Variants in ZBTB7C observed in about 807,000 individuals in gnomAD.
ZBTB7C encodes zinc finger and BTB domain-containing protein 7C.
In ZBTB7C, 8 loss-of-function variants were observed where a neutral mutation model predicts 25.7. The observed-to-expected ratio is 0.31, with a 90% CI of 0.18 to 0.56. The LOEUF (loss-of-function observed/expected upper bound fraction) is 0.56. Among genes scored for constraint, ZBTB7C ranks in the 20% least tolerant of loss-of-function variants. ZBTB7C has a pLI of 0.91. For synonymous variants in ZBTB7C, 394 were observed against 369.0 expected (o/e 1.07, Z -0.78); for missense variants, 824 against 855.2 (o/e 0.96, Z 0.46).
At chr18:48,032,497 C>T (rs569107911) in intron 4 of ZBTB7C, among the ~76,000 whole-genome samples, 61 of 122,526 alleles carry the variant, frequency 5.0e-4, no homozygotes, top group Middle Eastern at 0.013. Flanking sequence ...TGCAGTGGTG[C>T]GATCTTGGCT....
chr18:48,278,434 CT>C (rs562058274), intron 2 of ZBTB7C, among the ~76,000 whole-genome samples: 390 of 150,570 alleles, frequency 2.6e-3, no homozygotes, highest in African/African-American at 8.8e-3. Flanking sequence ...TCCCCAAATT[CT>C]TTTTTTTCTT....
intron 3 of ZBTB7C, among the ~76,000 whole-genome samples, chr18:48,119,200 C>T (rs1002416697): frequency 2.0e-5 from 3 of 152,158 alleles, no homozygotes; most frequent in Non-Finnish European, 4.4e-5. Context: ...TTTTGAGAAC[C>T]ATGACTCTAC....
At chr18:48,409,575 C>G (rs1599067574), upstream of ZBTB7C, among the ~76,000 whole-genome samples, 17 of 149,936 alleles carry the variant, frequency 1.1e-4, no homozygotes, top group South Asian at 3.5e-3. Context: ...CGCTCGCGCC[C>G]GCCCCCTCCC....
intron 1 of ZBTB7C, among the ~76,000 whole-genome samples, chr18:48,378,782 T>G (rs767234594): frequency 2.0e-5 from 3 of 152,086 alleles, no homozygotes; most frequent in Admixed American, 1.3e-4. Flanking sequence ...ATTCAGAGAA[T>G]AGAAACAAAA....
intron 2 of ZBTB7C, among the ~76,000 whole-genome samples, chr18:48,221,901 T>C (rs2145301698): frequency 6.7e-6 from 1 of 150,322 alleles, no homozygotes. Flanking sequence ...ACTGTCCTAG[T>C]CTCCCTCTAT....
At chr18:48,162,170 G>A (rs2041081529) in intron 3 of ZBTB7C, among the ~76,000 whole-genome samples, 1 of 150,384 alleles carries the variant, frequency 6.6e-6, no homozygotes, top group Non-Finnish European at 1.5e-5. Context: ...GTGGAGGGCA[G>A]TGCCAGCTGC....
chr18:48,328,301 T>C (rs958724987), intron 2 of ZBTB7C, among the ~76,000 whole-genome samples: 6 of 152,100 alleles, frequency 3.9e-5, no homozygotes, highest in African/African-American at 1.4e-4. Flanking sequence ...ACAGTAGAGA[T>C]ATAGACAGTG....
chr18:48,059,832 C>T (rs2037057100), intron 3 of ZBTB7C, among the ~76,000 whole-genome samples: 1 of 152,186 alleles, frequency 6.6e-6, no homozygotes, highest in Non-Finnish European at 1.5e-5. Context: ...GCCCCAGTCT[C>T]TCCCCAGCTG....
At chr18:48,268,060 G>A (rs984859541) in intron 2 of ZBTB7C, among the ~76,000 whole-genome samples, 2 of 152,310 alleles carry the variant, frequency 1.3e-5, no homozygotes, top group African/African-American at 2.4e-5. Context: ...TATATCAGCC[G>A]TTTTGGCAAC....
Position 48,305,825 on chromosome 18 carries a change from C to T in ZBTB7C, c.-79+32349G>A, listed in dbSNP as rs574174519. On this transcript the variant is annotated intron_variant, in intron 2 of 4. Coordinates refer to ENST00000590800, the MANE Select transcript of ZBTB7C (RefSeq NM_001318841.2). ...GTCACTTGCCCAGAGGCTCAGGGAG[C>T]TCAGGTCACTTGCCTACTCCCCTCA... 2.6e-5 allele frequency among the ~76,000 whole-genome samples: 4 copies of T among 152,268 alleles called. No individual in the cohort carries two copies. In the East Asian group the frequency reaches 7.7e-4, roughly 29 times the overall value.
At chr18:48,057,724 G>C (rs190354394) in intron 3 of ZBTB7C, among the ~76,000 whole-genome samples, 1 of 152,140 alleles carries the variant, frequency 6.6e-6, no homozygotes, top group Admixed American at 6.5e-5. Context: ...TGTAATGTCT[G>C]ATGCCTACTG....
At chr18:48,407,800 G>A (rs1599062947) in intron 1 of ZBTB7C, among the ~76,000 whole-genome samples, 2 of 152,276 alleles carry the variant, frequency 1.3e-5, no homozygotes, top group East Asian at 3.9e-4. Flanking sequence ...CAAGGAGAAT[G>A]AAGGACTGAG....
chr18:48,344,552 T>C (rs2046683113), intron 1 of ZBTB7C, among the ~76,000 whole-genome samples: 1 of 152,138 alleles, frequency 6.6e-6, no homozygotes. Context: ...GCCAGCCAGT[T>C]ATCCAAAACA....
At chr18:48,191,261 T>C (rs957460693) in intron 2 of ZBTB7C, among the ~76,000 whole-genome samples, 12 of 152,266 alleles carry the variant, frequency 7.9e-5, no homozygotes, top group African/African-American at 2.9e-4. Flanking sequence ...TCATGGGCCC[T>C]GTGGCAGGGT....
Position 48,323,031 on chromosome 18 carries a change from C to T in ZBTB7C, c.-79+15143G>A, listed in dbSNP as rs529286728. On this transcript the variant is annotated intron_variant, in intron 2 of 4. Transcript: ENST00000590800. ...AAAGGCATAAGAATAATACAATGGA[C>T]GTTGGGGACTCAGGGGAAAGGGTGG... 4.5e-4 allele frequency among the ~76,000 whole-genome samples: 68 copies of T among 152,138 alleles called. 1 individual carries two copies. Among genetic ancestry groups the T allele is most frequent in the African/African-American group, 1.6e-3 (66 of 41,536 alleles).
intron 1 of ZBTB7C, among the ~76,000 whole-genome samples, chr18:48,389,229 T>TCTCG (rs1555757481): frequency 1.1e-5 from 1 of 89,414 alleles, no homozygotes; most frequent in Non-Finnish European, 2.2e-5. Flanking sequence ...TCTCTCTCTC[T>TCTCG]CTCTCTCGTG....
At chr18:48,083,966 A>G (rs2038086910) in intron 3 of ZBTB7C, 1 of 883,682 alleles carries the variant, frequency 1.1e-6, no homozygotes, top group Non-Finnish European at 1.4e-6. Flanking sequence ...CCGACTCTCC[A>G]GGGTCGTCGC....
chr18:48,385,728 A>G (rs1358677332), intron 1 of ZBTB7C, among the ~76,000 whole-genome samples: 1 of 152,214 alleles, frequency 6.6e-6, no homozygotes, highest in African/African-American at 2.4e-5. Context: ...TCAGAAATAC[A>G]CAGGAAACCC....
intron 3 of ZBTB7C, among the ~76,000 whole-genome samples, chr18:48,109,211 T>A (rs1376271553): frequency 1.3e-5 from 2 of 151,972 alleles, no homozygotes; most frequent in African/African-American, 4.8e-5. Context: ...GGAGAACACA[T>A]CGAAGGGAAT....
Sources: allele counts gnomAD v4.1 joint callset (sites outside exome capture counted in the v4.1 genomes callset), GRCh38; gene constraint gnomAD v4.1.1; transcripts MANE v1.5; gene names NCBI Gene and HGNC (gene_info 2026-07-23, HGNC 2026-07-21).